ADCY2: variants seen among roughly 807,000 people sequenced by gnomAD.
The protein encoded by ADCY2 is adenylate cyclase type 2.
A neutral mutation model predicts 125.2 loss-of-function variants in ADCY2; 31 were observed. The observed-to-expected ratio is 0.25, with a 90% confidence interval of 0.19 to 0.33. The LOEUF (loss-of-function observed/expected upper bound fraction) is 0.33. Ranked by LOEUF, ADCY2 falls within the 10% of genes least tolerant of loss-of-function variation. The pLI, the probability that ADCY2 is intolerant of heterozygous loss-of-function variation, is 1.00. For missense variants in ADCY2, 904 were observed against 1,418.2 expected (o/e 0.64, Z 5.82); for synonymous variants, 512 against 548.4 (o/e 0.93, Z 0.93).
intron 2 of ADCY2, among the ~76,000 whole-genome samples, chr5:7,493,256 C>A (rs574522601): frequency 6.9e-4 from 105 of 152,120 alleles, no homozygotes; most frequent in Non-Finnish European, 1.4e-3. Flanking sequence ...TCTCCATGAG[C>A]TGTCAATGAG....
At chr5:7,612,884 C>T (rs373662378) in intron 3 of ADCY2, among the ~76,000 whole-genome samples, 359 of 152,130 alleles carry the variant, frequency 2.4e-3, no homozygotes, top group African/African-American at 6.4e-3. Flanking sequence ...GGTGTGGTGG[C>T]GGGCGCCTGT....
chr5:7,820,463 CA>C lies in ADCY2; in HGVS notation c.2999-101del, dbSNP rs1394256818. 4 of 1,445,750 alleles carry C rather than the reference CA, an allele frequency of 2.8e-6. No individual in the cohort carries two copies. In the African/African-American group the frequency reaches 5.7e-5, roughly 21 times the overall value. The allele number at this position is 1,445,750 out of a possible 1,614,324, so 89.6% of individuals were successfully genotyped here. A position where few individuals can be genotyped will look rare whatever the true frequency, so the allele number is the denominator to read the frequency against. ...CAGCCAAGATTGCGCCACTGCACTC[CA>C]GCCTGGGTGACAGAATAAGACCCCA... On this transcript the variant is annotated intron_variant, in intron 23 of 24. Coordinates refer to ENST00000338316, the MANE Select transcript of ADCY2 (RefSeq NM_020546.3).
chr5:7,821,167 T>C (rs1745287822), intron 24 of ADCY2, among the ~76,000 whole-genome samples: 1 of 152,178 alleles, frequency 6.6e-6, no homozygotes, highest in African/African-American at 2.4e-5. Context: ...AGCTCTGGAA[T>C]CCACCCAAGA....
intron 17 of ADCY2, among the ~76,000 whole-genome samples, chr5:7,767,528 G>A (rs1743421621): frequency 6.6e-6 from 1 of 152,124 alleles, no homozygotes; most frequent in African/African-American, 2.4e-5. Flanking sequence ...AATGCTAAGG[G>A]AACTATTTTG....
chr5:7,609,355 G>T (rs567038660), intron 3 of ADCY2, among the ~76,000 whole-genome samples: 23 of 152,200 alleles, frequency 1.5e-4, no homozygotes, highest in Non-Finnish European at 2.8e-4. Flanking sequence ...GCAGGGCTTT[G>T]ACCTTTTTAA....
intron 18 of ADCY2, among the ~76,000 whole-genome samples, chr5:7,776,814 G>A (rs1047887487): frequency 4.6e-5 from 7 of 152,206 alleles, no homozygotes; most frequent in South Asian, 2.1e-4. Flanking sequence ...TGGATGCTTC[G>A]TGCCCTTGAA....
chr5:7,665,820 A>T (rs1236895554), intron 4 of ADCY2, among the ~76,000 whole-genome samples: 8 of 98,090 alleles, frequency 8.2e-5, no homozygotes, highest in Non-Finnish European at 1.1e-4. Flanking sequence ...TTTTTTTTTA[A>T]TTTAATTCTT....
At chr5:7,617,682 G>C (rs1737812466) in intron 3 of ADCY2, among the ~76,000 whole-genome samples, 1 of 152,120 alleles carries the variant, frequency 6.6e-6, no homozygotes, top group African/African-American at 2.4e-5. Context: ...GTCAGAGTAT[G>C]GTGCCAATGA....
At chr5:7,501,418 CTTTTCAATCAGAATCATGGATCT>C (rs1743565811) in intron 2 of ADCY2, among the ~76,000 whole-genome samples, 1 of 152,112 alleles carries the variant, frequency 6.6e-6, no homozygotes, top group Non-Finnish European at 1.5e-5. Flanking sequence ...GATATTGATG[CTTTTCAATCAGAATCATGGATCT>C]TTTTCAATGT....
rs34033324 is a variant in ADCY2, at chr5:7,444,280, AT to A, written c.408+29518del. 2.0e-5 allele frequency among the ~76,000 whole-genome samples: 3 copies of A among 151,380 alleles called. No individual in the cohort carries two copies. The South Asian group carries it at 6.3e-4, about 32-fold the overall frequency. On this transcript the variant is annotated intron_variant, in intron 2 of 24. Coordinates refer to ENST00000338316, the MANE Select transcript of ADCY2 (RefSeq NM_020546.3). ...AGGCGCCCGCCACCACGCCTGGTTA[AT>A]TTTTTTTGTATTTTTAGTAGAGATG... is the stretch of plus-strand genomic sequence containing the variant.
intron 4 of ADCY2, among the ~76,000 whole-genome samples, chr5:7,642,302 G>T (rs775176001): frequency 5.9e-5 from 9 of 152,114 alleles, no homozygotes; most frequent in Non-Finnish European, 8.8e-5. Context: ...AAATATGTTT[G>T]TTGGTGGCTT....
intron 2 of ADCY2, among the ~76,000 whole-genome samples, chr5:7,434,775 A>G (rs1248933593): frequency 2.0e-5 from 3 of 152,196 alleles, no homozygotes; most frequent in African/African-American, 7.2e-5. Flanking sequence ...TGGAAGTGGG[A>G]TTCTACAAAG....
chr5:7,440,489 T>G (rs1199552894), intron 2 of ADCY2, among the ~76,000 whole-genome samples: 1 of 152,212 alleles, frequency 6.6e-6, no homozygotes, highest in Admixed American at 6.5e-5. Context: ...GATGAATGAT[T>G]AACAGGACCT....
chr5:7,409,225 A>C (rs1476759793), intron 1 of ADCY2, among the ~76,000 whole-genome samples: 3 of 152,124 alleles, frequency 2.0e-5, no homozygotes, highest in African/African-American at 7.2e-5. Flanking sequence ...ACTGAGGCCT[A>C]TCTGAGGAGG....
intron 14 of ADCY2, among the ~76,000 whole-genome samples, chr5:7,734,076 T>C (rs1393840701): frequency 6.6e-6 from 1 of 152,212 alleles, no homozygotes; most frequent in Non-Finnish European, 1.5e-5. Context: ...TGCTAACTTA[T>C]AATTGAAAGA....
chr5:7,781,346 A>G (rs1486959969), intron 18 of ADCY2, among the ~76,000 whole-genome samples: 1 of 152,178 alleles, frequency 6.6e-6, no homozygotes, highest in East Asian at 1.9e-4. Flanking sequence ...ATGTGACCTT[A>G]TTTGGAAATA....
chr5:7,438,954 C>T (rs1340927794), intron 2 of ADCY2, among the ~76,000 whole-genome samples: 1 of 152,132 alleles, frequency 6.6e-6, no homozygotes, highest in Non-Finnish European at 1.5e-5. Context: ...GGCCAGCTCA[C>T]CTGGGAGCAA....
intron 4 of ADCY2, among the ~76,000 whole-genome samples, chr5:7,631,742 A>G (rs1041003324): frequency 6.6e-6 from 1 of 152,170 alleles, no homozygotes; most frequent in African/African-American, 2.4e-5. Context: ...GGAGGGTTTG[A>G]TGCCAGCCAT....
chr5:7,711,089 G>A (rs190890343), intron 10 of ADCY2, among the ~76,000 whole-genome samples: 24 of 152,316 alleles, frequency 1.6e-4, no homozygotes, highest in Admixed American at 1.4e-3. Flanking sequence ...GGATGTAGAC[G>A]GTTGGATCTG....
Sources: gnomAD v4.1 joint callset for allele counts (sites outside exome capture counted in the v4.1 genomes callset) on GRCh38, gnomAD v4.1.1 for gene constraint, MANE v1.5 for transcripts, NCBI Gene and HGNC (gene_info 2026-07-23, HGNC 2026-07-21) for gene names.